Variants in PI4KA observed in about 807,000 individuals in gnomAD.
PI4KA encodes the protein PI4-kinase alpha.
Under a neutral mutation model 271.4 loss-of-function variants are expected in PI4KA, and 122 were observed. The observed-to-expected ratio is 0.45, with a 90% confidence interval of 0.39 to 0.52. The LOEUF (loss-of-function observed/expected upper bound fraction) is 0.52, where lower values mean the gene tolerates loss of function less well. Ranked by LOEUF, PI4KA falls within the 20% of genes least tolerant of loss-of-function variation. PI4KA has a pLI of 0.00. For synonymous variants in PI4KA, 1,041 were observed against 1,078.8 expected (o/e 0.96, Z 0.69); for missense variants, 1,969 against 2,769.1 (o/e 0.71, Z 6.48).
chr22:20,843,377 A>G (rs1385231392), intron 1 of PI4KA, among the ~76,000 whole-genome samples: 1 of 152,072 alleles, frequency 6.6e-6, no homozygotes, highest in Non-Finnish European at 1.5e-5. Context: ...GTAGTCCTAG[A>G]TGCTCGGGGA....
At chr22:20,744,518 A>G in intron 30 of PI4KA, 110 bp downstream of exon 30, 1 of 704,104 alleles carries the variant, frequency 1.4e-6, no homozygotes, top group Non-Finnish European at 2.5e-6. Flanking sequence ...AAAATATGTT[A>G]ATTCCACATC....
intron 7 of PI4KA, 78 bp downstream of exon 7, chr22:20,818,405 C>T: frequency 9.3e-7 from 1 of 1,070,666 alleles, no homozygotes; most frequent in Non-Finnish European, 1.4e-6. Flanking sequence ...TATCAGCATC[C>T]TTAATATCAC....
At chr22:20,762,271 G>T (rs1932046521) in intron 22 of PI4KA, among the ~76,000 whole-genome samples, 1 of 152,170 alleles carries the variant, frequency 6.6e-6, no homozygotes, top group South Asian at 2.1e-4. Context: ...AGGAGGGCAG[G>T]CCAGGTGACT....
At chr22:20,846,739 A>T (rs1926307995) in intron 1 of PI4KA, among the ~76,000 whole-genome samples, 1 of 148,312 alleles carries the variant, frequency 6.7e-6, no homozygotes, top group Admixed American at 6.9e-5. Context: ...GCTAATCAGG[A>T]GGCTGAGGCA....
At chr22:20,787,202 G>A (rs1406172974) in intron 19 of PI4KA, 8 of 807,476 alleles carry the variant, frequency 9.9e-6, no homozygotes, top group Non-Finnish European at 1.7e-5. Flanking sequence ...CATATGAGAG[G>A]AGCTTAGAAA....
intron 5 of PI4KA, 107 bp downstream of exon 5, chr22:20,820,432 T>C (rs1922490672): frequency 1.3e-6 from 1 of 749,252 alleles, no homozygotes; most frequent in Non-Finnish European, 2.3e-6. Context: ...AGGAAGGTTT[T>C]CTCCCATCAT....
chr22:20,720,247 T>G (rs933512826), intron 43 of PI4KA, among the ~76,000 whole-genome samples: 18 of 152,182 alleles, frequency 1.2e-4, no homozygotes, highest in African/African-American at 4.1e-4. Flanking sequence ...ATGAGAAGTT[T>G]ACTGCCAAGT....
chr22:20,818,752 T>C (rs1922179916), intron 6 of PI4KA, among the ~76,000 whole-genome samples: 1 of 152,240 alleles, frequency 6.6e-6, no homozygotes, highest in African/African-American at 2.4e-5. Flanking sequence ...TAGCCGTATA[T>C]TTGACACTTG....
chr22:20,830,055 T>C (rs1383387676), intron 3 of PI4KA, among the ~76,000 whole-genome samples: 1 of 152,216 alleles, frequency 6.6e-6, no homozygotes, highest in South Asian at 2.1e-4. Flanking sequence ...TTATGTCTTA[T>C]AGTGTGGTTG....
intron 30 of PI4KA, among the ~76,000 whole-genome samples, chr22:20,744,377 A>C (rs1011712246): frequency 3.3e-5 from 5 of 152,262 alleles, no homozygotes; most frequent in Non-Finnish European, 7.3e-5. Context: ...AGCCAAAAAA[A>C]TTAAAAACCT....
intron 1 of PI4KA, among the ~76,000 whole-genome samples, chr22:20,853,622 G>T (rs1221558893): frequency 6.6e-6 from 1 of 152,202 alleles, no homozygotes; most frequent in African/African-American, 2.4e-5. Flanking sequence ...GTCCTCTGAG[G>T]TGGGTTCCAA....
At chr22:20,847,745 AC>A (rs1274009517) in intron 1 of PI4KA, among the ~76,000 whole-genome samples, 2 of 128,756 alleles carry the variant, frequency 1.6e-5, no homozygotes, top group African/African-American at 6.3e-5. Context: ...TGATAGTGAG[AC>A]CCTGTTTCAA....
chr22:20,737,794 G>A (rs1928918305), intron 32 of PI4KA, among the ~76,000 whole-genome samples: 1 of 152,110 alleles, frequency 6.6e-6, no homozygotes, highest in African/African-American at 2.4e-5. Context: ...ACCACACCTG[G>A]CTAATTTTGT....
At chr22:20,751,646 G>C in intron 26 of PI4KA, 28 bp downstream of exon 26, 7 of 1,584,270 alleles carry the variant, frequency 4.4e-6, no homozygotes, top group Non-Finnish European at 6.1e-6. Flanking sequence ...GGTGGTGTTT[G>C]GGCCCTAGGT....
intron 7 of PI4KA, among the ~76,000 whole-genome samples, chr22:20,817,484 C>T (rs1352075785): frequency 2.0e-5 from 3 of 151,888 alleles, no homozygotes; most frequent in Non-Finnish European, 4.4e-5. Flanking sequence ...GGCTGTAATC[C>T]TAGCACTTTG....
At position 20,721,308 on chromosome 22, in the gene PI4KA, G is replaced by A; in HGVS notation, c.5106C>T (p.His1702=). ...GGACAAAATACTCACGGTCTTTCTG[G>A]TGGCCCTCTTCATCTAGATAAATGT... ...KTNIYLDEEG[H]QKDPDIGDLL... The change falls in exon 43 of 55, where the codon CAC becomes CAT. Residue 1702 remains histidine, a synonymous_variant. Coordinates refer to ENST00000255882, the MANE Select transcript of PI4KA (RefSeq NM_058004.4). 6.2e-7 allele frequency: 1 copy of A among 1,614,020 alleles called. No individual in the cohort carries two copies. Among genetic ancestry groups the A allele is most frequent in the Non-Finnish European group, 8.5e-7 (1 of 1,179,986 alleles).
In PI4KA at chr22:20,824,938, C is replaced by T. The variant is rs192308424; in HGVS notation, c.368-524G>A. 4.7e-3 allele frequency among the ~76,000 whole-genome samples: 716 copies of T among 151,600 alleles called. 9 individuals are homozygous for T. The highest frequency in any genetic ancestry group is 0.016 in the African/African-American group (653 of 41,314). ...TACAAAAATTAGCTGGGTGTGGTGGCGCACACCTGTAATCCCAGCCACTTG... is the reference window on the plus strand; with the variant it reads ...TACAAAAATTAGCTGGGTGTGGTGGTGCACACCTGTAATCCCAGCCACTTG... On this transcript the variant is annotated intron_variant, in intron 3 of 54. Coordinates refer to ENST00000255882, the MANE Select transcript of PI4KA (RefSeq NM_058004.4).
intron 27 of PI4KA, 145 bp from the exon 28 acceptor site, chr22:20,750,139 G>A: frequency 1.6e-6 from 1 of 629,226 alleles, no homozygotes; most frequent in Non-Finnish European, 2.9e-6. Context: ...GAACTCATTT[G>A]GAGATAGGGC....
intron 19 of PI4KA, among the ~76,000 whole-genome samples, chr22:20,771,092 A>G (rs1932852395): frequency 6.6e-6 from 1 of 151,950 alleles, no homozygotes; most frequent in Non-Finnish European, 1.5e-5. Context: ...CAAAAGAACA[A>G]TGGAGTATGT....
Sources: gnomAD v4.1 joint callset for allele counts (sites outside exome capture counted in the v4.1 genomes callset) on GRCh38, gnomAD v4.1.1 for gene constraint, MANE v1.5 for transcripts, NCBI Gene and HGNC (gene_info 2026-07-23, HGNC 2026-07-21) for gene names.